The following MRC2 variants were observed in gnomAD, a reference collection of about 807,000 sequenced individuals.
MRC2 encodes the protein mannose receptor C-type 2, also known as C-type mannose receptor 2.
MRC2 carries 84 observed loss-of-function variants against 206.2 expected under a neutral mutation model. The observed-to-expected ratio is 0.41, with a 90% confidence interval of 0.34 to 0.49. The LOEUF (loss-of-function observed/expected upper bound fraction) is 0.49, where lower values mean the gene tolerates loss of function less well. Ranked by LOEUF, MRC2 falls within the 20% of genes least tolerant of loss-of-function variation. MRC2 has a pLI of 0.31. For missense variants in MRC2, 1,676 were observed against 2,001.5 expected (o/e 0.84, Z 3.10); for synonymous variants, 798 against 800.0 (o/e 1.00, Z 0.04).
chr17:62,653,294 G>C (rs2088579458), intron 1 of MRC2, among the ~76,000 whole-genome samples: 1 of 152,184 alleles, frequency 6.6e-6, no homozygotes, highest in Middle Eastern at 3.2e-3. Flanking sequence ...GGGAAGGCCA[G>C]CGCGGGTGAG....
chr17:62,664,996 G>A lies in MRC2; in HGVS notation c.520+47G>A. 7 of 1,543,242 alleles carry A rather than the reference G, an allele frequency of 4.5e-6. No homozygotes were observed. The highest frequency in any genetic ancestry group is 6.1e-6 in the Non-Finnish European group (7 of 1,149,530). ...GGAGGGTGGGGTCCCCGATGTCCAG[G>A]GGACTGGAGCCATGAGGGACAGATT... On this transcript the variant is annotated intron_variant, in intron 2 of 29. Transcript: ENST00000303375. This position sits in a 1 kb window ranked among gnomAD's most constrained non-coding sequence, Gnocchi z 4.7.
intron 1 of MRC2, among the ~76,000 whole-genome samples, chr17:62,633,967 C>G (rs1332813008): frequency 1.3e-5 from 2 of 150,630 alleles, no homozygotes; most frequent in African/African-American, 4.9e-5. Context: ...TGAGGCGAAT[C>G]CATAGGGAAT....
intron 6 of MRC2, among the ~76,000 whole-genome samples, chr17:62,669,734 T>C (rs2088804273): frequency 6.6e-6 from 1 of 151,590 alleles, no homozygotes; most frequent in Non-Finnish European, 1.5e-5. Context: ...TTTTTTTGTA[T>C]TTTTAGAGAT....
intron 1 of MRC2, among the ~76,000 whole-genome samples, chr17:62,633,971 AG>A (rs1402926481): frequency 1.3e-5 from 2 of 151,620 alleles, no homozygotes; most frequent in Non-Finnish European, 2.9e-5. Context: ...GCGAATCCAT[AG>A]GGAATAGTGA....
rs1162287977 is a variant in MRC2 at position 62,667,515 on chromosome 17, G to A, written c.1099G>A (p.Ala367Thr). ...YVCKKKPNAT[A>T]EPTPPDRWAN... ...GTGCAAGAAGAAGCCCAACGCCACG[G>A]CCGAGCCCACCCCTCCAGGTGAGCC... Residue 367 changes from alanine (A) to threonine (T), a missense_variant, in exon 6 of 30, where the codon GCC becomes ACC. Coordinates refer to ENST00000303375, the MANE Select transcript of MRC2 (RefSeq NM_006039.5). The surrounding 1 kb of genome is among the most constrained non-coding windows in gnomAD (Gnocchi z 4.1). The A allele has an allele frequency of 3.7e-6, 6 of 1,610,834 alleles. No homozygotes were observed. The highest frequency in any genetic ancestry group is 1.7e-5 in the Admixed American group (1 of 59,554).
At position 62,649,880 on chromosome 17, in the gene MRC2, A is replaced by T. The variant is rs143794241; in HGVS notation, c.119-14668A>T. 4.4e-3 allele frequency among the ~76,000 whole-genome samples: 639 copies of T among 145,952 alleles called. 8 individuals carry two copies. Among genetic ancestry groups the T allele is most frequent in the African/African-American group, 0.015 (595 of 39,910 alleles). On this transcript the variant is annotated intron_variant, in intron 1 of 29. Coordinates refer to ENST00000303375, the MANE Select transcript of MRC2 (RefSeq NM_006039.5). ...TTGAAATAGATACAGCCTTCTTGTC[A>T]TTCTTTTTTTTTTTTAATTTTTTTT...
chr17:62,681,619 G>A, intron 18 of MRC2: 1 of 530,278 alleles, frequency 1.9e-6, no homozygotes, highest in Non-Finnish European at 3.3e-6. Flanking sequence ...TTCTGGAGCA[G>A]CAAGTGTCCA....
intron 6 of MRC2, among the ~76,000 whole-genome samples, chr17:62,669,471 C>T (rs1363820736): frequency 6.6e-6 from 1 of 152,038 alleles, no homozygotes. Context: ...CCACCTCGGC[C>T]TCCCAAAGTG....
At position 62,688,397 on chromosome 17, in the gene MRC2, G is replaced by C. The variant is rs2147492404; in HGVS notation, c.3055G>C (p.Glu1019Gln). The change falls in exon 21 of 30, where the codon GAG becomes CAG. Residue 1019 changes from glutamate (E) to glutamine (Q), a missense_variant. Coordinates refer to ENST00000303375, the MANE Select transcript of MRC2 (RefSeq NM_006039.5). ...AQLVTITNPLEQAFITASLPN... is the reference protein window; with the variant it reads ...AQLVTITNPLQQAFITASLPN... The stretch of plus-strand genomic sequence containing the variant: ...GCTGGTCACCATCACAAACCCCTTA[G>C]AGCAAGGTAGGGCCAGCCTATGGGG... 6.2e-7 allele frequency: 1 copy of C among 1,614,236 alleles called. No homozygotes were observed. The highest frequency in any genetic ancestry group is 1.1e-5 in the South Asian group (1 of 91,088).
chr17:62,690,598 C>T (rs201591954), intron 26 of MRC2, 44 bp from the exon 27 acceptor site: 35 of 1,548,276 alleles, frequency 2.3e-5, no homozygotes, highest in Middle Eastern at 1.7e-4. Flanking sequence ...CTCTGCCCCC[C>T]CCGGAGACCC....
chr17:62,666,231 G>A lies in MRC2; in HGVS notation c.658G>A (p.Gly220Ser), dbSNP rs751829119. The stretch of plus-strand genomic sequence containing the variant: ...GTGGTGTGCCACCACCCAGGACTAC[G>A]GCAAAGACGAGCGCTGGGGCTTCTG... ...HLWCATTQDY[G>S]KDERWGFCPI... Residue 220 changes from glycine (G) to serine (S), a missense_variant, in exon 3 of 30, where the codon GGC becomes AGC. Physicochemically the swap from Gly to Ser is moderately conservative, Grantham distance 56. This residue lies in a region of MRC2 where 318 missense variants were observed against 346.7 expected (regional missense o/e 0.92). Coordinates refer to ENST00000303375, the MANE Select transcript of MRC2 (RefSeq NM_006039.5). This position sits in a 1 kb window ranked among gnomAD's most constrained non-coding sequence, Gnocchi z 5.0. 98 of 1,599,290 alleles carry A rather than the reference G, an allele frequency of 6.1e-5. No homozygotes were observed. Among genetic ancestry groups the A allele is most frequent in the Non-Finnish European group, 7.9e-5 (93 of 1,173,456 alleles).
At chr17:62,689,162 G>A (rs1162630467) in intron 23 of MRC2, among the ~76,000 whole-genome samples, 1 of 152,190 alleles carries the variant, frequency 6.6e-6, no homozygotes, top group Non-Finnish European at 1.5e-5. Flanking sequence ...TGGGGGTATG[G>A]AGGGCTCGTT....
chr17:62,654,356 C>A (rs1489847777), intron 1 of MRC2, among the ~76,000 whole-genome samples: 1 of 151,968 alleles, frequency 6.6e-6, no homozygotes, highest in Admixed American at 6.6e-5. Context: ...CCTTCCTTGT[C>A]CTTGGAATGC....
intron 11 of MRC2, among the ~76,000 whole-genome samples, chr17:62,676,941 C>T (rs530014529): frequency 3.3e-5 from 5 of 152,362 alleles, no homozygotes; most frequent in East Asian, 3.9e-4. Flanking sequence ...GAATACTGAG[C>T]GCAATACAAG....
rs997130235 is a variant in MRC2, at chr17:62,664,503, C to T, written c.119-45C>T. 16 of 1,563,680 alleles carry T rather than the reference C, an allele frequency of 1.0e-5. No homozygotes were observed. The highest frequency in any genetic ancestry group is 1.4e-5 in the Non-Finnish European group (16 of 1,155,932). ...GCCACACCGGTCATCAAGGGCCAAC[C>T]AGGAGAGCCCCTGTGATGCCTTCGT... On this transcript the variant is annotated intron_variant, in intron 1 of 29. Coordinates refer to ENST00000303375, the MANE Select transcript of MRC2 (RefSeq NM_006039.5). The surrounding 1 kb of genome is among the most constrained non-coding windows in gnomAD (Gnocchi z 4.7).
rs568842931 is a variant in MRC2, at chr17:62,677,039, C to T, written c.1835-230C>T. On this transcript the variant is annotated intron_variant, in intron 11 of 29. Coordinates refer to ENST00000303375, the MANE Select transcript of MRC2 (RefSeq NM_006039.5). ...GATGAGGTAGATGATGAAGCAGGCT[C>T]GGTGAGGTTAAGCAGCTTGCCTGAG... Among the ~76,000 whole-genome samples, 27 of 152,358 alleles carry T rather than the reference C, an allele frequency of 1.8e-4. No homozygotes were observed. In the South Asian group the frequency reaches 2.5e-3, roughly 14 times the overall value.
chr17:62,664,748 C>T lies in MRC2; in HGVS notation c.319C>T (p.Leu107=). The stretch of plus-strand genomic sequence containing the variant: ...GCCAGGCACCAACACCACGGCCTCC[C>T]TGGGCATGTATGAGTGTGACCGGGA... ...GWPGTNTTAS[L]GMYECDREAL... Residue 107 remains leucine, a synonymous_variant, in exon 2 of 30, where the codon CTG becomes TTG. Transcript: ENST00000303375. This position sits in a 1 kb window ranked among gnomAD's most constrained non-coding sequence, Gnocchi z 4.7. 1 of 1,614,052 alleles carries T rather than the reference C, an allele frequency of 6.2e-7. No homozygotes were observed. Among genetic ancestry groups the T allele is most frequent in the African/African-American group, 1.3e-5 (1 of 75,068 alleles).
Position 62,666,832 on chromosome 17 carries a change from C to A in MRC2, c.935C>A (p.Ser312Ter), listed in dbSNP as rs763721017. 6.2e-7 allele frequency: 1 copy of A among 1,613,668 alleles called. No individual in the cohort carries two copies. The highest frequency in any genetic ancestry group is 1.1e-5 in the South Asian group (1 of 91,062). Residue 312 changes from serine to a stop codon, truncating the protein, a stop_gained, in exon 5 of 30, where the codon TCG (serine) becomes TAG (stop). Transcript: ENST00000303375. LOFTEE classifies it high-confidence loss of function. The surrounding 1 kb of genome is among the most constrained non-coding windows in gnomAD (Gnocchi z 5.0). ...GACACGAGCGGAGGCTGGCAGTGGT[C>A]GGACAACTCGCCCCTCAAGTACCTC... ...DLDTSGGWQW[S>*]DNSPLKYLNW...
intron 1 of MRC2, among the ~76,000 whole-genome samples, chr17:62,632,720 A>G (rs1243205976): frequency 6.6e-6 from 1 of 152,188 alleles, no homozygotes; most frequent in Non-Finnish European, 1.5e-5. Flanking sequence ...ACCTGGGGTG[A>G]CGAGAGACAA....
Sources: gnomAD v4.1 joint callset for allele counts (sites outside exome capture counted in the v4.1 genomes callset) on GRCh38, gnomAD v4.1.1 for gene constraint, gnomAD v4.1.1 regional missense constraint, Gnocchi (gnomAD v3.1) non-coding constraint, MANE v1.5 for transcripts, NCBI Gene and HGNC (gene_info 2026-07-23, HGNC 2026-07-21) for gene names.